ABCA13: variants seen among roughly 807,000 people sequenced by gnomAD.
ABCA13 encodes ATP-binding cassette sub-family A member 13.
ABCA13 carries 476 observed loss-of-function variants against 478.7 expected under a neutral mutation model. That is an observed-to-expected ratio of 0.99 (90% CI 0.92 to 1.07). ABCA13 has a LOEUF of 1.07. Among genes scored for constraint, ABCA13 ranks in the 50% least tolerant of loss-of-function variants. The pLI, the probability that ABCA13 is intolerant of heterozygous loss-of-function variation, is 0.00. For missense variants in ABCA13, 6,060 were observed against 5,910.6 expected, an observed-to-expected ratio of 1.03 and a Z score of -0.83; for synonymous variants, 2,252 against 2,158.9, an observed-to-expected ratio of 1.04 and a Z score of -1.20.
At chr7:48,349,264 T>C (rs1447974487) in intron 29 of ABCA13, among the ~76,000 whole-genome samples, 1 of 152,214 alleles carries the variant, frequency 6.6e-6, no homozygotes, top group Non-Finnish European at 1.5e-5. Context: ...GGCAAATTAC[T>C]GGAACATAAT....
At chr7:48,516,665 A>G in intron 51 of ABCA13, 60 bp from the exon 52 acceptor site, 1 of 1,541,588 alleles carries the variant, frequency 6.5e-7, no homozygotes, top group Non-Finnish European at 8.9e-7. Context: ...TATCTGCCAT[A>G]GATAAAACTA....
At chr7:48,452,523 T>C (rs1825167346) in intron 42 of ABCA13, among the ~76,000 whole-genome samples, 1 of 152,210 alleles carries the variant, frequency 6.6e-6, no homozygotes, top group East Asian at 1.9e-4. Context: ...ATCCAATACT[T>C]GTTTAGTCAT....
chr7:48,605,960 T>C (rs1791423240), intron 58 of ABCA13, among the ~76,000 whole-genome samples: 1 of 152,254 alleles, frequency 6.6e-6, no homozygotes, highest in Admixed American at 6.5e-5. Context: ...TTTCATTGAA[T>C]TGATCTTCAG....
intron 17 of ABCA13, 90 bp downstream of exon 17, chr7:48,276,655 T>A: frequency 1.0e-6 from 1 of 994,948 alleles, no homozygotes; most frequent in Non-Finnish European, 1.5e-6. Context: ...TCAAAAACAG[T>A]ATTTGTATCT....
intron 53 of ABCA13, among the ~76,000 whole-genome samples, chr7:48,522,531 T>C (rs62447319): frequency 0.084 from 12,771 of 152,210 alleles, 934 homozygotes; most frequent in African/African-American, 0.2. Flanking sequence ...AGTTCTGCTA[T>C]ACCTAGGTCC....
chr7:48,484,451 C>T (rs902191277), intron 47 of ABCA13, among the ~76,000 whole-genome samples: 2 of 152,124 alleles, frequency 1.3e-5, no homozygotes, highest in African/African-American at 4.8e-5. Flanking sequence ...CATTATGTGG[C>T]CATTATGAAA....
At chr7:48,626,722 A>C in intron 59 of ABCA13, 1 of 985,550 alleles carries the variant, frequency 1.0e-6, no homozygotes, top group Non-Finnish European at 1.2e-6. Context: ...TCTGAGCTTG[A>C]GAAAAGGAGG....
At chr7:48,411,003 CT>C (rs1409073081) in intron 40 of ABCA13, among the ~76,000 whole-genome samples, 1 of 109,536 alleles carries the variant, frequency 9.1e-6, no homozygotes, top group African/African-American at 3.3e-5. Flanking sequence ...TTCTTTCTTT[CT>C]TTCTTTCTTT....
chr7:48,477,952 A>G (rs879539689), intron 45 of ABCA13, among the ~76,000 whole-genome samples: 1 of 152,030 alleles, frequency 6.6e-6, no homozygotes, highest in South Asian at 2.1e-4. Flanking sequence ...CTTGATAATA[A>G]TTGGAATTTT....
At chr7:48,280,079 A>T (rs1255908024) in intron 18 of ABCA13, among the ~76,000 whole-genome samples, 159 bp downstream of exon 18, 1 of 152,224 alleles carries the variant, frequency 6.6e-6, no homozygotes, top group Non-Finnish European at 1.5e-5. Context: ...ATTCAGGTCC[A>T]GTCATTCTTT....
At chr7:48,494,932 G>T (rs1227891136) in intron 48 of ABCA13, among the ~76,000 whole-genome samples, 2 of 152,072 alleles carry the variant, frequency 1.3e-5, no homozygotes, top group African/African-American at 2.4e-5. Flanking sequence ...ACAGGGAAAA[G>T]GTGACACAGT....
chr7:48,279,286 C>A lies in ABCA13; in HGVS notation c.8092C>A (p.Pro2698Thr), dbSNP rs1291882702. 3.8e-6 allele frequency: 6 copies of A among 1,588,488 alleles called. No individual in the cohort carries two copies. In the South Asian group the frequency reaches 6.8e-5, roughly 18 times the overall value. Residue 2698 changes from proline (P) to threonine (T), a missense_variant, in exon 18 of 62, where the codon CCA (proline) becomes ACA (threonine). Physicochemically the swap from Pro to Thr is conservative, Grantham distance 38. This residue lies in a region of ABCA13 where 4,423 missense variants were observed against 4,309.1 expected (regional missense o/e 1.03). Coordinates refer to ENST00000435803, the MANE Select transcript of ABCA13 (RefSeq NM_152701.5). Reference protein sequence around the residue: ...TNQMDFLYPNPISTHSGPQDI... With the variant: ...TNQMDFLYPNTISTHSGPQDI... ...CCAAATGGACTTCTTATACCCTAAT[C>A]CAATTTCCACTCATAGTGGCCCTCA... is the stretch of plus-strand genomic sequence containing the variant.
intron 15 of ABCA13, among the ~76,000 whole-genome samples, chr7:48,254,732 A>G (rs73341739): frequency 0.098 from 14,951 of 152,132 alleles, 897 homozygotes; most frequent in African/African-American, 0.12. Context: ...TGAGAGCTCA[A>G]TTGTTTCTTG....
At chr7:48,211,377 C>T (rs1785628841) in intron 3 of ABCA13, among the ~76,000 whole-genome samples, 1 of 152,166 alleles carries the variant, frequency 6.6e-6, no homozygotes, top group Admixed American at 6.5e-5. Flanking sequence ...TTGAAGACTC[C>T]CAGATAATCA....
chr7:48,356,832 A>T (rs1273437057), intron 31 of ABCA13, among the ~76,000 whole-genome samples: 1 of 152,056 alleles, frequency 6.6e-6, no homozygotes, highest in Non-Finnish European at 1.5e-5. Context: ...TACTTCATGA[A>T]TATAAAGGAA....
chr7:48,321,086 G>A (rs1459656576), intron 27 of ABCA13, among the ~76,000 whole-genome samples: 14 of 152,314 alleles, frequency 9.2e-5, no homozygotes, highest in African/African-American at 3.4e-4. Context: ...GTGGAGGCCA[G>A]TGGTTCAAAC....
At chr7:48,235,917 G>T (rs532131403) in intron 8 of ABCA13, among the ~76,000 whole-genome samples, 14 of 152,238 alleles carry the variant, frequency 9.2e-5, no homozygotes, top group African/African-American at 3.4e-4. Flanking sequence ...CTTTGTGTTA[G>T]ATTATTTTTC....
At chr7:48,522,910 C>T (rs1249779524) in intron 53 of ABCA13, among the ~76,000 whole-genome samples, 2 of 150,196 alleles carry the variant, frequency 1.3e-5, no homozygotes, top group Admixed American at 1.3e-4. Context: ...GCACAACTTC[C>T]TGTTGGAGTG....
intron 43 of ABCA13, among the ~76,000 whole-genome samples, chr7:48,465,177 C>T (rs781610189): frequency 2.6e-5 from 4 of 152,124 alleles, no homozygotes; most frequent in African/African-American, 7.2e-5. Flanking sequence ...GCATAGGTAA[C>T]AAGAAGCCAT....
Sources: gnomAD v4.1 joint callset for allele counts (sites outside exome capture counted in the v4.1 genomes callset) on GRCh38, gnomAD v4.1.1 for gene constraint, gnomAD v4.1.1 regional missense constraint, MANE v1.5 for transcripts, NCBI Gene and HGNC (gene_info 2026-07-23, HGNC 2026-07-21) for gene names.